The following CELF1 variants were observed in gnomAD, a reference collection of about 807,000 sequenced individuals.
The protein encoded by CELF1 is 50 kDa nuclear polyadenylated RNA-binding protein.
CELF1 carries 10 observed loss-of-function variants against 61.8 expected under a neutral mutation model. That is an observed-to-expected ratio of 0.16 (90% CI 0.10 to 0.27). The LOEUF is 0.27. CELF1 is among the 10% of genes least tolerant of loss of function. The probability of loss-of-function intolerance (pLI) is 1.00; values close to 1 mark genes in which losing one functional copy is unlikely to be tolerated. For missense variants in CELF1, 380 were observed against 639.1 expected (o/e 0.59, Z 4.37); for synonymous variants, 236 against 225.1 (o/e 1.05, Z -0.43).
chr11:47,555,977 G>A (rs1432277430), upstream of CELF1, among the ~76,000 whole-genome samples: 1 of 146,908 alleles, frequency 6.8e-6, no homozygotes, highest in Admixed American at 6.9e-5. Flanking sequence ...TCCAGCCTGG[G>A]CGACACAGCA....
intron 3 of CELF1, among the ~76,000 whole-genome samples, chr11:47,497,739 T>TGG (rs1448786537): frequency 6.6e-6 from 1 of 152,206 alleles, no homozygotes; most frequent in Non-Finnish European, 1.5e-5. Context: ...TCTAGAGTCT[T>TGG]GGGGGTCCTA....
chr11:47,545,850 C>CGTGTGTGTGTGT (rs1206141521), intron 1 of CELF1, among the ~76,000 whole-genome samples: 1 of 124,040 alleles, frequency 8.1e-6, no homozygotes, highest in Non-Finnish European at 1.8e-5. Flanking sequence ...CATATGTATA[C>CGTGTGTGTGTGT]GTGTGTGTGT....
chr11:47,493,803 C>T (rs1027191972), intron 3 of CELF1, among the ~76,000 whole-genome samples: 9 of 152,036 alleles, frequency 5.9e-5, no homozygotes, highest in African/African-American at 9.7e-5. Context: ...CATGTATACC[C>T]GTGTGTATGT....
intron 9 of CELF1, among the ~76,000 whole-genome samples, chr11:47,481,116 T>C (rs1596303257): frequency 7.8e-6 from 1 of 128,866 alleles, no homozygotes; most frequent in Non-Finnish European, 1.7e-5. Context: ...TTTTTTTTTT[T>C]TTTTTTTTTT....
At chr11:47,499,069 T>C (rs2093572410) in intron 3 of CELF1, among the ~76,000 whole-genome samples, 1 of 152,082 alleles carries the variant, frequency 6.6e-6, no homozygotes. Flanking sequence ...TTTAAAATAA[T>C]AAAATACTTC....
At chr11:47,528,446 A>AT (rs200537712) in intron 1 of CELF1, among the ~76,000 whole-genome samples, 5,975 of 152,042 alleles carry the variant, frequency 0.039, 126 homozygotes, top group Middle Eastern at 0.065. Flanking sequence ...TCCATCTCAC[A>AT]TTTTTTTAAA....
chr11:47,493,216 G>A (rs2092245580), intron 3 of CELF1, among the ~76,000 whole-genome samples: 1 of 151,422 alleles, frequency 6.6e-6, no homozygotes, highest in Admixed American at 6.6e-5. Flanking sequence ...CAATTCAATA[G>A]CCAGAAGACT....
chr11:47,487,534 C>T (rs1203071026), intron 4 of CELF1, among the ~76,000 whole-genome samples: 1 of 152,144 alleles, frequency 6.6e-6, no homozygotes, highest in Non-Finnish European at 1.5e-5. Context: ...AGGTCATGTG[C>T]CATTTGACTC....
chr11:47,540,533 C>T (rs1381785872), intron 1 of CELF1, among the ~76,000 whole-genome samples: 8 of 152,192 alleles, frequency 5.3e-5, no homozygotes, highest in Admixed American at 5.2e-4. Flanking sequence ...GTCATCACCA[C>T]CCTGACTTCC....
chr11:47,553,897 G>T (rs907474744), upstream of CELF1, among the ~76,000 whole-genome samples: 1 of 151,742 alleles, frequency 6.6e-6, no homozygotes, highest in Admixed American at 6.6e-5. Flanking sequence ...TAGATGGAAC[G>T]CAAGCAGTAC....
chr11:47,531,364 T>TC (rs1441253864), intron 1 of CELF1, among the ~76,000 whole-genome samples: 18 of 152,102 alleles, frequency 1.2e-4, no homozygotes, highest in Non-Finnish European at 2.5e-4. Context: ...GGTTACAAGA[T>TC]AGAGACCATC....
At chr11:47,563,013 C>T (rs2097231409) in intron 2 of CELF1, among the ~76,000 whole-genome samples, 1 of 151,742 alleles carries the variant, frequency 6.6e-6, no homozygotes, top group South Asian at 2.1e-4. Context: ...GTGCCCAGTC[C>T]CGAGATCAGT....
intron 10 of CELF1, among the ~76,000 whole-genome samples, chr11:47,478,410 C>T (rs1194294013): frequency 6.6e-6 from 1 of 152,132 alleles, no homozygotes; most frequent in Non-Finnish European, 1.5e-5. Flanking sequence ...ATAGCAACAA[C>T]AAAATAGGAA....
chr11:47,535,604 G>A (rs2096607425), intron 1 of CELF1, among the ~76,000 whole-genome samples: 1 of 150,572 alleles, frequency 6.6e-6, no homozygotes, highest in African/African-American at 2.4e-5. Context: ...CTTGAACCCG[G>A]GGAGGTGGAG....
At chr11:47,549,434 T>TG (rs2097075194) in intron 1 of CELF1, among the ~76,000 whole-genome samples, 1 of 152,172 alleles carries the variant, frequency 6.6e-6, no homozygotes, top group Non-Finnish European at 1.5e-5. Flanking sequence ...AGTCCATTAG[T>TG]GGATGCAGTC....
At chr11:47,515,564 A>C (rs1255805417) in intron 1 of CELF1, among the ~76,000 whole-genome samples, 1 of 152,214 alleles carries the variant, frequency 6.6e-6, no homozygotes, top group African/African-American at 2.4e-5. Context: ...ACCATATGTT[A>C]GTACCATGTA....
chr11:47,525,285 G>A (rs2096179244), intron 1 of CELF1, among the ~76,000 whole-genome samples: 1 of 152,124 alleles, frequency 6.6e-6, no homozygotes, highest in South Asian at 2.1e-4. Context: ...ATAACCAGAA[G>A]CCAAATATTT....
At chr11:47,505,412 T>TCA (rs1742161820) in intron 1 of CELF1, among the ~76,000 whole-genome samples, 1 of 151,018 alleles carries the variant, frequency 6.6e-6, no homozygotes, top group Admixed American at 6.7e-5. Context: ...GATGGGCAGA[T>TCA]CACGAGGTCA....
At chr11:47,563,882 G>A (rs559029751) in intron 2 of CELF1, among the ~76,000 whole-genome samples, 19 of 151,864 alleles carry the variant, frequency 1.3e-4, no homozygotes, top group Admixed American at 5.9e-4. Flanking sequence ...TTAGCTGGGC[G>A]TGGTGGCAGC....
Sources: gnomAD v4.1 joint callset for allele counts (sites outside exome capture counted in the v4.1 genomes callset) on GRCh38, gnomAD v4.1.1 for gene constraint, MANE v1.5 for transcripts, NCBI Gene and HGNC (gene_info 2026-07-23, HGNC 2026-07-21) for gene names.